The following ITFG1 variants were observed in gnomAD, a reference collection of about 807,000 sequenced individuals.
ITFG1 encodes the protein integrin alpha FG-GAP repeat containing 1.
Under a neutral mutation model 81.8 loss-of-function variants are expected in ITFG1, and 34 were observed. The observed-to-expected ratio is 0.42, with a 90% confidence interval of 0.32 to 0.55. ITFG1 has a LOEUF of 0.55. Among genes scored for constraint, ITFG1 ranks in the 20% least tolerant of loss-of-function variants. The probability of loss-of-function intolerance (pLI) is 0.17; values close to 1 mark genes in which losing one functional copy is unlikely to be tolerated. For synonymous variants in ITFG1, 285 were observed against 270.6 expected (o/e 1.05, Z -0.52); for missense variants, 672 against 755.4 (o/e 0.89, Z 1.29).
At chr16:47,294,511 T>C (rs1207468047) in intron 10 of ITFG1, among the ~76,000 whole-genome samples, 1 of 152,190 alleles carries the variant, frequency 6.6e-6, no homozygotes, top group East Asian at 1.9e-4. Context: ...TTCCATCTTT[T>C]TGTGCCATCT....
chr16:47,298,986 C>G (rs528430336), intron 10 of ITFG1, among the ~76,000 whole-genome samples: 1 of 152,134 alleles, frequency 6.6e-6, no homozygotes, highest in African/African-American at 2.4e-5. Context: ...TGCACTCAGG[C>G]CCCCCATGGC....
At chr16:47,451,526 T>G in intron 4 of ITFG1, 56 bp from the exon 5 acceptor site, 1 of 962,538 alleles carries the variant, frequency 1.0e-6, no homozygotes, top group Non-Finnish European at 1.6e-6. Flanking sequence ...ACTTCTAATT[T>G]AGCTTTAAAA....
chr16:47,184,020 TG>T (rs1965172828), intron 14 of ITFG1, among the ~76,000 whole-genome samples: 1 of 152,040 alleles, frequency 6.6e-6, no homozygotes, highest in East Asian at 1.9e-4. Context: ...TGCGATCAAC[TG>T]GAAGAAAGGG....
intron 13 of ITFG1, among the ~76,000 whole-genome samples, chr16:47,236,762 T>C (rs545166187): frequency 6.6e-6 from 1 of 152,238 alleles, no homozygotes; most frequent in East Asian, 1.9e-4. Flanking sequence ...GATATAAAAG[T>C]ATATGGGTTG....
intron 6 of ITFG1, among the ~76,000 whole-genome samples, chr16:47,397,856 C>A (rs1189742578): frequency 1.3e-5 from 2 of 152,088 alleles, no homozygotes; most frequent in Non-Finnish European, 2.9e-5. Context: ...CAGGCAGCCA[C>A]GGGAACTAGC....
At chr16:47,252,686 C>T (rs1966091934) in intron 12 of ITFG1, among the ~76,000 whole-genome samples, 1 of 152,194 alleles carries the variant, frequency 6.6e-6, no homozygotes, top group South Asian at 2.1e-4. Context: ...GGGCAGTTTA[C>T]ATTGCCATGG....
At chr16:47,418,950 G>A (rs887215869) in intron 6 of ITFG1, among the ~76,000 whole-genome samples, 11 of 152,216 alleles carry the variant, frequency 7.2e-5, no homozygotes, top group Admixed American at 5.9e-4. Context: ...TATTTTGATA[G>A]AGATTACACT....
At chr16:47,236,732 C>T (rs188847374) in intron 13 of ITFG1, among the ~76,000 whole-genome samples, 158 of 152,202 alleles carry the variant, frequency 1.0e-3, no homozygotes, top group African/African-American at 3.3e-3. Context: ...GCTGATGAAT[C>T]CCATCCACAG....
chr16:47,246,898 G>A (rs1966008208), intron 12 of ITFG1, among the ~76,000 whole-genome samples: 1 of 152,088 alleles, frequency 6.6e-6, no homozygotes, highest in East Asian at 1.9e-4. Flanking sequence ...TACCTCCTGT[G>A]ATTTTCGTGC....
chr16:47,451,386 A>G lies in ITFG1; in HGVS notation c.560+10T>C. Reference sequence around the variant, plus strand: ...CGATTAATTACATAGTTATAACCATATTTACTCACCCTCCTAATAGTATCT... The same window carrying G: ...CGATTAATTACATAGTTATAACCATGTTTACTCACCCTCCTAATAGTATCT... On this transcript the variant is annotated intron_variant, in intron 5 of 17. Transcript: ENST00000320640. The G allele has an allele frequency of 6.9e-7, 1 of 1,442,940 alleles. No homozygotes were observed. The highest frequency in any genetic ancestry group is 9.7e-7 in the Non-Finnish European group (1 of 1,030,712). The allele number at this position is 1,442,940 out of a possible 1,614,324, so 89.4% of individuals were successfully genotyped here. A position where few individuals can be genotyped will look rare whatever the true frequency, so the allele number is the denominator to read the frequency against.
At chr16:47,236,125 T>C (rs1197178527) in intron 13 of ITFG1, among the ~76,000 whole-genome samples, 1 of 152,194 alleles carries the variant, frequency 6.6e-6, no homozygotes, top group East Asian at 1.9e-4. Context: ...CACTGTAAGA[T>C]AGAAGTGGCT....
At chr16:47,330,553 G>A (rs1474484416) in intron 8 of ITFG1, among the ~76,000 whole-genome samples, 1 of 152,088 alleles carries the variant, frequency 6.6e-6, no homozygotes, top group Non-Finnish European at 1.5e-5. Context: ...TATAGAATGG[G>A]AGAAAATATT....
At chr16:47,337,275 T>A (rs953819337) in intron 8 of ITFG1, among the ~76,000 whole-genome samples, 9 of 151,466 alleles carry the variant, frequency 5.9e-5, no homozygotes, top group Non-Finnish European at 1.2e-4. Context: ...TGGAATAACT[T>A]TAAAAAAGAA....
chr16:47,325,051 C>T (rs569259163), intron 8 of ITFG1, among the ~76,000 whole-genome samples: 1 of 152,312 alleles, frequency 6.6e-6, no homozygotes, highest in African/African-American at 2.4e-5. Context: ...CACCACACCA[C>T]ACCTATTCCA....
At chr16:47,236,467 T>G (rs1596825453) in intron 13 of ITFG1, among the ~76,000 whole-genome samples, 1 of 106,782 alleles carries the variant, frequency 9.4e-6, no homozygotes, top group South Asian at 3.1e-4. Flanking sequence ...AGAGTGAGAC[T>G]CCATCTCAAA....
intron 5 of ITFG1, among the ~76,000 whole-genome samples, chr16:47,441,892 C>T (rs1469663636): frequency 7.2e-5 from 11 of 152,144 alleles, no homozygotes; most frequent in Non-Finnish European, 1.5e-4. Flanking sequence ...GTCAAATTGT[C>T]CCTGTTTGCA....
chr16:47,455,260 T>C (rs1173226183), intron 2 of ITFG1, among the ~76,000 whole-genome samples: 1 of 152,136 alleles, frequency 6.6e-6, no homozygotes, highest in Admixed American at 6.6e-5. Flanking sequence ...AGTAGACACC[T>C]GCCTTCTGAA....
intron 5 of ITFG1, among the ~76,000 whole-genome samples, chr16:47,446,116 T>G (rs937370371): frequency 1.3e-4 from 20 of 152,180 alleles, no homozygotes; most frequent in Non-Finnish European, 2.8e-4. Context: ...TGATAAACAT[T>G]TAATGAAACA....
intron 10 of ITFG1, among the ~76,000 whole-genome samples, chr16:47,282,694 A>C (rs1393093319): frequency 2.0e-5 from 3 of 152,108 alleles, no homozygotes; most frequent in African/African-American, 7.2e-5. Flanking sequence ...AGGTTGTATT[A>C]ATTTTCATTC....
Sources: allele counts gnomAD v4.1 joint callset (sites outside exome capture counted in the v4.1 genomes callset), GRCh38; gene constraint gnomAD v4.1.1; transcripts MANE v1.5; gene names NCBI Gene and HGNC (gene_info 2026-07-23, HGNC 2026-07-21).